Variants in RABGAP1L observed in about 807,000 individuals in gnomAD.
The protein encoded by RABGAP1L is RAB GTPase activating protein 1 like.
Under a neutral mutation model 137.7 loss-of-function variants are expected in RABGAP1L, and 63 were observed. The ratio of observed to expected loss-of-function variants is 0.46; its 90% CI spans 0.37 to 0.56. The LOEUF (loss-of-function observed/expected upper bound fraction) is 0.56, where lower values mean the gene tolerates loss of function less well. Ranked by LOEUF, RABGAP1L falls within the 20% of genes least tolerant of loss-of-function variation. The pLI is 0.00. For synonymous variants in RABGAP1L, 431 were observed against 433.7 expected (o/e 0.99, Z 0.08); for missense variants, 1,095 against 1,244.0 (o/e 0.88, Z 1.80).
intron 19 of RABGAP1L, among the ~76,000 whole-genome samples, chr1:174,880,754 G>T (rs560904194): frequency 1.3e-5 from 2 of 151,910 alleles, no homozygotes; most frequent in African/African-American, 4.8e-5. Context: ...ACTGCCCCCG[G>T]CTAATTTTTT....
At chr1:174,327,327 G>A (rs1680520995) in intron 11 of RABGAP1L, among the ~76,000 whole-genome samples, 1 of 149,808 alleles carries the variant, frequency 6.7e-6, no homozygotes, top group African/African-American at 2.5e-5. Context: ...AATATAATAA[G>A]GTATAAAAAG....
intron 13 of RABGAP1L, among the ~76,000 whole-genome samples, chr1:174,440,305 T>G (rs189246997): frequency 1.3e-5 from 2 of 152,312 alleles, no homozygotes; most frequent in East Asian, 3.9e-4. Flanking sequence ...GCGATCTGGT[T>G]TGCATTGTGG....
chr1:174,414,057 G>A (rs1048096709), intron 13 of RABGAP1L, among the ~76,000 whole-genome samples: 2 of 152,058 alleles, frequency 1.3e-5, no homozygotes, highest in African/African-American at 2.4e-5. Flanking sequence ...GTATATGTAA[G>A]TTTTTATAAA....
At chr1:174,486,421 A>G in intron 13 of RABGAP1L, among the ~76,000 whole-genome samples, 1 of 147,672 alleles carries the variant, frequency 6.8e-6, no homozygotes. Context: ...ATCTCGGCTC[A>G]CTGCAAGTTC....
chr1:174,264,487 G>C (rs189444865), intron 7 of RABGAP1L, among the ~76,000 whole-genome samples: 1 of 152,080 alleles, frequency 6.6e-6, no homozygotes, highest in Non-Finnish European at 1.5e-5. Flanking sequence ...TCTGACCTGA[G>C]GTCTCCAAAC....
chr1:174,722,455 CT>C (rs1263884182), intron 17 of RABGAP1L, among the ~76,000 whole-genome samples: 52 of 144,890 alleles, frequency 3.6e-4, no homozygotes, highest in South Asian at 4.4e-4. Context: ...TCGCAAGCTT[CT>C]TTTTTTTTTT....
rs566088711 is a variant in RABGAP1L, at chr1:174,605,804, C to T, written c.1711-31571C>T. Among the ~76,000 whole-genome samples, 4 of 152,322 alleles carry T rather than the reference C, an allele frequency of 2.6e-5. No homozygotes were observed. In the East Asian group the frequency reaches 5.8e-4, roughly 22 times the overall value. On this transcript the variant is annotated intron_variant, in intron 13 of 25. Coordinates refer to ENST00000681986, the MANE Select transcript of RABGAP1L (RefSeq NM_001366446.1). Reference sequence around the variant, plus strand: ...TTGCAAATTGATATGGATGGACTGCCACTGCAGGCTTCATCTTTAACATCA... The same window carrying T: ...TTGCAAATTGATATGGATGGACTGCTACTGCAGGCTTCATCTTTAACATCA...
chr1:174,735,824 CTT>C (rs1682898162), intron 17 of RABGAP1L, among the ~76,000 whole-genome samples: 1 of 152,006 alleles, frequency 6.6e-6, no homozygotes, highest in Non-Finnish European at 1.5e-5. Context: ...ATACCACACT[CTT>C]TTAAGCAACA....
chr1:174,724,405 C>G (rs1681818897), intron 17 of RABGAP1L, among the ~76,000 whole-genome samples: 1 of 152,286 alleles, frequency 6.6e-6, no homozygotes, highest in African/African-American at 2.4e-5. Context: ...TAATTCCAGA[C>G]ATGAATATGA....
chr1:174,278,128 TGTG>T (rs1558092951), intron 9 of RABGAP1L, among the ~76,000 whole-genome samples: 1 of 152,144 alleles, frequency 6.6e-6, no homozygotes, highest in East Asian at 1.9e-4. Flanking sequence ...TGAGGCCAGG[TGTG>T]GTGGCTCACG....
chr1:174,404,879 C>T (rs1649077719), intron 13 of RABGAP1L, among the ~76,000 whole-genome samples: 1 of 152,172 alleles, frequency 6.6e-6, no homozygotes, highest in Non-Finnish European at 1.5e-5. Flanking sequence ...TAAAAAACAA[C>T]TGCAAGAGTG....
intron 14 of RABGAP1L, among the ~76,000 whole-genome samples, chr1:174,674,773 C>T (rs1195046079): frequency 7.2e-5 from 11 of 152,070 alleles, no homozygotes; most frequent in Admixed American, 1.3e-4. Context: ...TTTTAATGAT[C>T]GCCATTCTAA....
intron 19 of RABGAP1L, among the ~76,000 whole-genome samples, chr1:174,883,326 C>G (rs572801618): frequency 6.6e-6 from 1 of 152,142 alleles, no homozygotes; most frequent in African/African-American, 2.4e-5. Context: ...AACTAATTGT[C>G]TCCTTTTCTA....
At chr1:174,412,333 C>T (rs1055209712) in intron 13 of RABGAP1L, among the ~76,000 whole-genome samples, 1 of 152,028 alleles carries the variant, frequency 6.6e-6, no homozygotes. Context: ...TTCCTCCATC[C>T]CTTTATATTG....
chr1:174,991,665 G>GACATCTTTCATTGTTGTTCTT lies in RABGAP1L; in HGVS notation c.*1676_*1677insGTTGTTCTTACATCTTTCATT, dbSNP rs1672063267. The GACATCTTTCATTGTTGTTCTT allele has an allele frequency of 6.6e-6, 1 of 151,932 alleles. No individual in the cohort carries two copies. 9.4% of individuals were successfully genotyped at this position (151,932 alleles called of 1,614,324 possible). Reference sequence around the variant, plus strand: ...TACATAAATCTTTCATTGTTGTTCTGACATCTTTCATTACAAAATTTATTT... The same window carrying GACATCTTTCATTGTTGTTCTT: ...TACATAAATCTTTCATTGTTGTTCTGACATCTTTCATTGTTGTTCTTACATCTTTCATTACAAAATTTATTT... On this transcript the variant is annotated 3_prime_UTR_variant, in exon 26 of 26. Coordinates refer to ENST00000681986, the MANE Select transcript of RABGAP1L (RefSeq NM_001366446.1).
intron 17 of RABGAP1L, among the ~76,000 whole-genome samples, chr1:174,751,974 A>C (rs894229816): frequency 6.6e-6 from 1 of 152,076 alleles, no homozygotes; most frequent in Non-Finnish European, 1.5e-5. Flanking sequence ...TAGGAATTTC[A>C]ATTAATAATT....
At chr1:174,947,307 C>CAA (rs1667040661) in intron 19 of RABGAP1L, among the ~76,000 whole-genome samples, 1 of 151,384 alleles carries the variant, frequency 6.6e-6, no homozygotes, top group Non-Finnish European at 1.5e-5. Context: ...CTCAAACTCT[C>CAA]AAACTCCTGA....
chr1:174,602,949 G>T (rs1054092716), intron 13 of RABGAP1L, among the ~76,000 whole-genome samples: 1 of 152,112 alleles, frequency 6.6e-6, no homozygotes, highest in African/African-American at 2.4e-5. Flanking sequence ...GGTCCTTGGT[G>T]CCTTACTTAG....
chr1:174,960,679 A>T (rs1260206094), intron 20 of RABGAP1L, among the ~76,000 whole-genome samples: 2 of 152,132 alleles, frequency 1.3e-5, no homozygotes, highest in African/African-American at 2.4e-5. Context: ...ATTGTCATTT[A>T]GCCTACCCTT....
Sources: gnomAD v4.1 joint callset for allele counts (sites outside exome capture counted in the v4.1 genomes callset) on GRCh38, gnomAD v4.1.1 for gene constraint, MANE v1.5 for transcripts, NCBI Gene and HGNC (gene_info 2026-07-23, HGNC 2026-07-21) for gene names.